EPM2A: variants seen among roughly 807,000 people sequenced by gnomAD.
EPM2A encodes EPM2A glucan phosphatase, laforin.
EPM2A carries 21 observed loss-of-function variants against 26.5 expected under a neutral mutation model. The observed-to-expected ratio is 0.79, with a 90% CI of 0.56 to 1.14. The LOEUF (loss-of-function observed/expected upper bound fraction) is 1.14. EPM2A is among the 50% of genes most tolerant of loss of function. EPM2A has a pLI of 0.00. For synonymous variants in EPM2A, 217 were observed against 177.6 expected (o/e 1.22, Z -1.76); for missense variants, 458 against 440.8 (o/e 1.04, Z -0.35).
intron 2 of EPM2A, among the ~76,000 whole-genome samples, chr6:145,554,467 G>GATAA (rs1465942502): frequency 6.9e-6 from 1 of 145,302 alleles, no homozygotes; most frequent in Non-Finnish European, 1.5e-5. Context: ...TAGATAGATA[G>GATAA]ATACATAGAC....
chr6:145,696,700 AG>A (rs1781588960), intron 1 of EPM2A, among the ~76,000 whole-genome samples: 1 of 151,772 alleles, frequency 6.6e-6, no homozygotes, highest in African/African-American at 2.4e-5. Context: ...TAGAATTTGG[AG>A]GATCAGGAAA....
intron 2 of EPM2A, among the ~76,000 whole-genome samples, chr6:145,548,795 C>T (rs1780617012): frequency 6.6e-6 from 1 of 152,080 alleles, no homozygotes; most frequent in African/African-American, 2.4e-5. Context: ...ACTTTGCTTG[C>T]TCTACTCAAT....
intron 4 of EPM2A, among the ~76,000 whole-genome samples, chr6:145,442,321 T>A (rs1464614904): frequency 6.6e-6 from 1 of 152,182 alleles, no homozygotes; most frequent in African/African-American, 2.4e-5. Context: ...TTTATTGTAT[T>A]AGTCCATTTT....
At chr6:145,654,515 G>A (rs1276049088) in intron 2 of EPM2A, among the ~76,000 whole-genome samples, 1 of 152,044 alleles carries the variant, frequency 6.6e-6, no homozygotes, top group Non-Finnish European at 1.5e-5. Flanking sequence ...CTCAATTGTA[G>A]GAAATACAAA....
chr6:145,517,613 TTC>T (rs1262157465), intron 2 of EPM2A, among the ~76,000 whole-genome samples: 2 of 152,202 alleles, frequency 1.3e-5, no homozygotes, highest in African/African-American at 4.8e-5. Flanking sequence ...CATACATTAC[TTC>T]TGTCATTATA....
chr6:145,562,127 G>GTAAAAAAAAA (rs755571602), intron 2 of EPM2A, among the ~76,000 whole-genome samples: 2 of 140,250 alleles, frequency 1.4e-5, no homozygotes, highest in Admixed American at 7.1e-5. Context: ...ATTACAAAAA[G>GTAAAAAAAAA]GAAAAAAAAA....
chr6:145,436,787 C>T (rs1778994685), intron 4 of EPM2A, among the ~76,000 whole-genome samples: 1 of 151,942 alleles, frequency 6.6e-6, no homozygotes, highest in Non-Finnish European at 1.5e-5. Context: ...TTTCTTCTGA[C>T]CAAATCTCTT....
At chr6:145,611,865 GA>G (rs901224303) in intron 2 of EPM2A, among the ~76,000 whole-genome samples, 2 of 149,660 alleles carry the variant, frequency 1.3e-5, no homozygotes, top group African/African-American at 2.5e-5. Context: ...TCTAGAAGAA[GA>G]AAAAAAAACA....
chr6:145,735,329 G>A lies in EPM2A; in HGVS notation c.170C>T (p.Pro57Leu), dbSNP rs1229724993. ...CTCCACCTCCCCGAGCCACAGGCCC[G>A]GCTCCTGCAGGGCCAGGGCCCCGTC... Reference protein sequence around the residue: ...AGDGALALQEPGLWLGEVELA... With the variant: ...AGDGALALQELGLWLGEVELA... Residue 57 changes from proline to leucine, a missense_variant, in exon 1 of 4, where the codon CCG (proline) becomes CTG (leucine). Coordinates refer to ENST00000367519, the MANE Select transcript of EPM2A (RefSeq NM_005670.4). 11 of 1,432,156 alleles carry A rather than the reference G, an allele frequency of 7.7e-6. No individual in the cohort carries two copies. The highest frequency in any genetic ancestry group is 4.9e-5 in the Admixed American group (2 of 41,026). The allele number at this position is 1,432,156 out of a possible 1,614,324, so 88.7% of individuals were successfully genotyped here.
intron 2 of EPM2A, among the ~76,000 whole-genome samples, chr6:145,510,177 C>T (rs1438656353): frequency 2.0e-5 from 3 of 151,770 alleles, no homozygotes; most frequent in Non-Finnish European, 2.9e-5. Flanking sequence ...CATTTGACAG[C>T]TCATTGAGAC....
intron 2 of EPM2A, among the ~76,000 whole-genome samples, chr6:145,604,861 A>T (rs1048575601): frequency 1.3e-5 from 2 of 152,176 alleles, no homozygotes; most frequent in Non-Finnish European, 2.9e-5. Context: ...AAAATAGAAT[A>T]AAGCATATTA....
At chr6:145,430,084 C>T (rs9373456) in intron 4 of EPM2A, among the ~76,000 whole-genome samples, 87,871 of 151,440 alleles carry the variant, frequency 0.58, 29,814 homozygotes, top group East Asian at 0.8. Context: ...CCCAGCTACT[C>T]GGAAGGCTGA....
chr6:145,641,833 A>T (rs934347823), intron 2 of EPM2A, among the ~76,000 whole-genome samples: 1 of 152,148 alleles, frequency 6.6e-6, no homozygotes, highest in African/African-American at 2.4e-5. Flanking sequence ...TGACTGAAAT[A>T]CGTGGGCCCC....
chr6:145,529,284 GT>G (rs1210213062), intron 2 of EPM2A, among the ~76,000 whole-genome samples: 4 of 152,134 alleles, frequency 2.6e-5, no homozygotes, highest in Admixed American at 2.0e-4. Flanking sequence ...TCTGCTTTGG[GT>G]AAAATGCTGT....
chr6:145,426,823 T>C (rs1268119337), intron 4 of EPM2A, among the ~76,000 whole-genome samples: 1 of 152,220 alleles, frequency 6.6e-6, no homozygotes, highest in Non-Finnish European at 1.5e-5. Flanking sequence ...ACATTCTTAA[T>C]TGACTTCAAA....
intron 4 of EPM2A, among the ~76,000 whole-genome samples, chr6:145,494,426 A>G (rs184071572): frequency 1.1e-4 from 16 of 151,946 alleles, no homozygotes; most frequent in African/African-American, 3.9e-4. Flanking sequence ...ATTTTTTCTC[A>G]AAGAATAAGC....
intron 2 of EPM2A, among the ~76,000 whole-genome samples, chr6:145,685,485 A>G (rs1374730247): frequency 6.6e-6 from 1 of 152,146 alleles, no homozygotes; most frequent in Non-Finnish European, 1.5e-5. Flanking sequence ...AAACTGGTAC[A>G]TTAACAAGCA....
At chr6:145,565,031 CT>C (rs1780864299) in intron 2 of EPM2A, among the ~76,000 whole-genome samples, 1 of 152,176 alleles carries the variant, frequency 6.6e-6, no homozygotes. Flanking sequence ...AGCACCAAAC[CT>C]GTACAGCTCA....
chr6:145,401,543 C>T (rs1477910197), intron 4 of EPM2A, among the ~76,000 whole-genome samples: 1 of 152,046 alleles, frequency 6.6e-6, no homozygotes, highest in African/African-American at 2.4e-5. Flanking sequence ...CCAAAGTCCC[C>T]CAAAACTGTG....
Sources: allele counts gnomAD v4.1 joint callset (sites outside exome capture counted in the v4.1 genomes callset), GRCh38; gene constraint gnomAD v4.1.1; transcripts MANE v1.5; gene names NCBI Gene and HGNC (gene_info 2026-07-23, HGNC 2026-07-21).